The following CLEC4D variants were observed in gnomAD, a reference collection of about 807,000 sequenced individuals.
CLEC4D encodes C-type lectin domain family 4 member D.
In CLEC4D, 21 loss-of-function variants were observed where a neutral mutation model predicts 21.1. That is an observed-to-expected ratio of 1.00 (90% CI 0.71 to 1.43). The LOEUF (loss-of-function observed/expected upper bound fraction) is 1.43, where lower values mean the gene tolerates loss of function less well. Among genes scored for constraint, CLEC4D ranks in the 40% most tolerant of loss-of-function variants. The pLI is 0.00. For missense variants in CLEC4D, 289 were observed against 260.7 expected (o/e 1.11, Z -0.75); for synonymous variants, 85 against 83.1 (o/e 1.02, Z -0.12).
the CLEC4D span, among the ~76,000 whole-genome samples, chr12:8,530,878 C>A: frequency 6.6e-6 from 1 of 152,302 alleles, no homozygotes; most frequent in Non-Finnish European, 1.5e-5. Context: ...AATGGCAATA[C>A]AATTCTAAGA....
At position 8,513,760 on chromosome 12, in the gene CLEC4D, C is replaced by A; in HGVS notation, c.28C>A (p.Leu10Met). Reference protein sequence around the residue: MGLEKPQSKLEGGMHPQLIP... With the variant: MGLEKPQSKMEGGMHPQLIP... ...GGGGCTAGAAAAACCTCAAAGTAAACGTGAGTACTTTCTCTCCTTTCCATT... is the reference window on the plus strand; with the variant it reads ...GGGGCTAGAAAAACCTCAAAGTAAAAGTGAGTACTTTCTCTCCTTTCCATT... Residue 10 changes from leucine to methionine, a missense_variant and splice_region_variant, in exon 1 of 6, where the codon CTG (leucine) becomes ATG (methionine). Leu to Met is a conservative substitution (Grantham distance 15, BLOSUM62 2). Coordinates refer to ENST00000299665, the MANE Select transcript of CLEC4D (RefSeq NM_080387.5). 9.2e-7 allele frequency: 1 copy of A among 1,085,646 alleles called. No individual in the cohort carries two copies. The highest frequency in any genetic ancestry group is 1.4e-6 in the Non-Finnish European group (1 of 700,160). The allele number at this position is 1,085,646 out of a possible 1,614,324, so 67.3% of individuals were successfully genotyped here.
chr12:8,521,434 G>GTGTGTATGT lies in CLEC4D; in HGVS notation c.*164_*172dup. On this transcript the variant is annotated 3_prime_UTR_variant, in exon 6 of 6. Transcript: ENST00000299665. The stretch of plus-strand genomic sequence containing the variant: ...TTGTTTGATTCATTCGAGACAACAT[G>GTGTGTATGT]TGTGTATGTGTGTGTGTGTGTGTGT... 7.4e-7 allele frequency: 1 copy of GTGTGTATGT among 1,359,712 alleles called. No homozygotes were observed. Among genetic ancestry groups the GTGTGTATGT allele is most frequent in the Non-Finnish European group, 9.6e-7 (1 of 1,043,484 alleles). The allele number at this position is 1,359,712 out of a possible 1,614,324, so 84.2% of individuals were successfully genotyped here. A position where few individuals can be genotyped will look rare whatever the true frequency, so the allele number is the denominator to read the frequency against.
At chr12:8,523,172 C>T (rs1281384384), downstream of CLEC4D, among the ~76,000 whole-genome samples, 2 of 152,134 alleles carry the variant, frequency 1.3e-5, no homozygotes, top group Non-Finnish European at 2.9e-5. Context: ...ATTGTCTTGG[C>T]TATACAAGCT....
At chr12:8,518,718 C>T (rs892044504) in intron 3 of CLEC4D, among the ~76,000 whole-genome samples, 14 of 152,216 alleles carry the variant, frequency 9.2e-5, no homozygotes, top group South Asian at 6.2e-4. Flanking sequence ...GTAATGGAAA[C>T]ACTTTAAATG....
chr12:8,524,342 T>C (rs1465285610), downstream of CLEC4D, among the ~76,000 whole-genome samples: 2 of 151,418 alleles, frequency 1.3e-5, no homozygotes, highest in African/African-American at 4.9e-5. Context: ...TTTTTTTTTT[T>C]GTTTGGTAGT....
In CLEC4D at chr12:8,520,228, C is replaced by A. The variant is rs771519301; in HGVS notation, c.387C>A (p.Asn129Lys). ...LMTISTEAEQ[N>K]FIIQFLDRRL... ...TTAAAATTTACATTTTTATGCAGAA[C>A]TTTATTATTCAGTTTCTGGATAGAC... is the stretch of plus-strand genomic sequence containing the variant. Residue 129 changes from asparagine to lysine, a missense_variant and splice_region_variant, in exon 5 of 6, where the codon AAC becomes AAA. By Grantham distance (94) the Asn-to-Lys change is moderately conservative. Transcript: ENST00000299665. The A allele has an allele frequency of 1.2e-6, 2 of 1,613,500 alleles. No homozygotes were observed. The highest frequency in any genetic ancestry group is 1.6e-4 in the Middle Eastern group (1 of 6,062).
At chr12:8,530,036 A>G in the CLEC4D span, among the ~76,000 whole-genome samples, 1 of 152,232 alleles carries the variant, frequency 6.6e-6, no homozygotes, top group African/African-American at 2.4e-5. Context: ...TTTTTAAACA[A>G]TGTGCATATA....
chr12:8,518,952 T>C, intron 3 of CLEC4D, 57 bp from the exon 4 acceptor site: 1 of 1,577,448 alleles, frequency 6.3e-7, no homozygotes, highest in African/African-American at 1.3e-5. Flanking sequence ...AGTTATGCAA[T>C]CTGTTACAGA....
intron 2 of CLEC4D, 97 bp downstream of exon 2, chr12:8,515,425 A>G (rs1940366072): frequency 1.4e-6 from 1 of 714,086 alleles, no homozygotes; most frequent in Non-Finnish European, 2.5e-6. Context: ...GATTTTTCCT[A>G]GCATAACCTA....
chr12:8,519,756 G>A (rs1170116456), intron 4 of CLEC4D, among the ~76,000 whole-genome samples: 1 of 152,304 alleles, frequency 6.6e-6, no homozygotes, highest in Non-Finnish European at 1.5e-5. Context: ...ATTTCCTCAT[G>A]TAATATGTTT....
chr12:8,518,081 GA>G (rs1233164123), intron 2 of CLEC4D, 82 bp from the exon 3 acceptor site: 1 of 612,422 alleles, frequency 1.6e-6, no homozygotes, highest in Admixed American at 2.9e-5. Flanking sequence ...TAGGATAAGA[GA>G]AAATTTAGGA....
chr12:8,518,435 C>T (rs1030107106), intron 3 of CLEC4D, among the ~76,000 whole-genome samples, 161 bp downstream of exon 3: 2 of 152,200 alleles, frequency 1.3e-5, no homozygotes, highest in African/African-American at 4.8e-5. Flanking sequence ...AATTATTTCT[C>T]ATTACTGTAA....
rs768388305 is a variant in CLEC4D at position 8,518,238 on chromosome 12, T to C, written c.196T>C (p.Cys66Arg). ...GTTAGAGCACCATGCAAAGCTCAAA[T>C]GCATCAAAGAGAAATCAGAACTGAA... is the stretch of plus-strand genomic sequence containing the variant. Reference protein sequence around the residue: ...HKLEHHAKLKCIKEKSELKSA... With the variant: ...HKLEHHAKLKRIKEKSELKSA... The change falls in exon 3 of 6, where the codon TGC (cysteine) becomes CGC (arginine). Residue 66 changes from cysteine (C) to arginine (R), a missense_variant. Transcript: ENST00000299665. The C allele has an allele frequency of 3.6e-6, 5 of 1,375,372 alleles. No individual in the cohort carries two copies. The highest frequency in any genetic ancestry group is 5.2e-6 in the Non-Finnish European group (5 of 962,962). 85.2% of individuals were successfully genotyped at this position (1,375,372 alleles called of 1,614,324 possible). A position where few individuals can be genotyped will look rare whatever the true frequency, so the allele number is the denominator to read the frequency against.
chr12:8,518,623 G>A (rs1227315533), intron 3 of CLEC4D, among the ~76,000 whole-genome samples: 1 of 152,158 alleles, frequency 6.6e-6, no homozygotes, highest in African/African-American at 2.4e-5. Context: ...TGTGGAATTT[G>A]TCATCTCATT....
At chr12:8,520,715 T>C (rs1048429480) in intron 5 of CLEC4D, among the ~76,000 whole-genome samples, 2 of 152,198 alleles carry the variant, frequency 1.3e-5, no homozygotes, top group South Asian at 4.1e-4. Context: ...CAAAGCCACA[T>C]GTGCAATTTA....
downstream of CLEC4D, among the ~76,000 whole-genome samples, chr12:8,524,003 ATTGAT>A (rs1940486394): frequency 6.6e-6 from 1 of 152,192 alleles, no homozygotes; most frequent in African/African-American, 2.4e-5. Flanking sequence ...GATTATGTTT[ATTGAT>A]TTGCGTATGT....
the CLEC4D span, among the ~76,000 whole-genome samples, chr12:8,528,773 A>G: frequency 6.6e-6 from 1 of 152,068 alleles, no homozygotes; most frequent in African/African-American, 2.4e-5. Context: ...ATGCCTCTTC[A>G]GAGTAACTAT....
At chr12:8,517,947 G>GA (rs1166005826) in intron 2 of CLEC4D, among the ~76,000 whole-genome samples, 2 of 149,722 alleles carry the variant, frequency 1.3e-5, no homozygotes, top group South Asian at 2.1e-4. Flanking sequence ...CTCCGTCTCA[G>GA]AAAAAAAAAG....
At chr12:8,525,312 C>T (rs1463605364), downstream of CLEC4D, among the ~76,000 whole-genome samples, 1 of 152,034 alleles carries the variant, frequency 6.6e-6, no homozygotes, top group Non-Finnish European at 1.5e-5. Context: ...TAAAGTCTCC[C>T]ACTATTATTA....
Sources: gnomAD v4.1 joint callset for allele counts (sites outside exome capture counted in the v4.1 genomes callset) on GRCh38, gnomAD v4.1.1 for gene constraint, MANE v1.5 for transcripts, NCBI Gene and HGNC (gene_info 2026-07-23, HGNC 2026-07-21) for gene names.